Variants in DOCK2 observed in about 807,000 individuals in gnomAD.
The protein encoded by DOCK2 is dedicator of cytokinesis protein 2.
In DOCK2, 87 loss-of-function variants were observed where a neutral mutation model predicts 248.9. The ratio of observed to expected loss-of-function variants is 0.35; its 90% CI spans 0.29 to 0.42. The LOEUF is 0.42. DOCK2 is among the 10% of genes least tolerant of loss of function. The pLI is 1.00. For synonymous variants in DOCK2, 805 were observed against 821.6 expected, an observed-to-expected ratio of 0.98 and a Z score of 0.35; for missense variants, 1,747 against 2,300.2, an observed-to-expected ratio of 0.76 and a Z score of 4.92.
In DOCK2 at chr5:169,740,619, G is replaced by C. The variant is rs1255797582; in HGVS notation, c.2268-6777G>C. Among the ~76,000 whole-genome samples the C allele has an allele frequency of 2.6e-5, 4 of 152,320 alleles. No individual in the cohort carries two copies. In the East Asian group the frequency reaches 5.8e-4, roughly 22 times the overall value. ...TCTGCACCCCGCCTGTTGGCTGCTG[G>C]GGGTATTCAATGAAGTAAAGCCTGC... On this transcript the variant is annotated intron_variant, in intron 22 of 51. Coordinates refer to ENST00000520908, the MANE Select transcript of DOCK2 (RefSeq NM_004946.3).
chr5:170,082,657 A>T, intron 51 of DOCK2, 139 bp from the exon 52 acceptor site: 1 of 1,100,318 alleles, frequency 9.1e-7, no homozygotes, highest in East Asian at 2.6e-5. Context: ...GCCAAAGCCA[A>T]GGGCATAGCA....
intron 27 of DOCK2, among the ~76,000 whole-genome samples, chr5:169,979,556 T>C (rs1332034954): frequency 6.6e-6 from 1 of 152,208 alleles, no homozygotes; most frequent in East Asian, 1.9e-4. Context: ...CCATTTCAGG[T>C]TATCAATCAT....
At chr5:169,848,234 T>C (rs939186846) in intron 27 of DOCK2, among the ~76,000 whole-genome samples, 1 of 152,206 alleles carries the variant, frequency 6.6e-6, no homozygotes, top group African/African-American at 2.4e-5. Context: ...CACACACAGG[T>C]AGGCAATATT....
At chr5:169,827,173 A>G (rs1239676275) in intron 26 of DOCK2, among the ~76,000 whole-genome samples, 1 of 152,186 alleles carries the variant, frequency 6.6e-6, no homozygotes, top group East Asian at 1.9e-4. Flanking sequence ...TGTTTTAAAA[A>G]TGCAGCTATG....
At chr5:170,068,870 A>G (rs1357183671) in intron 45 of DOCK2, among the ~76,000 whole-genome samples, 1 of 152,156 alleles carries the variant, frequency 6.6e-6, no homozygotes, top group African/African-American at 2.4e-5. Context: ...AACAAGTTCC[A>G]AAGTACTGTT....
chr5:169,719,394 G>A (rs937672315), intron 22 of DOCK2, among the ~76,000 whole-genome samples: 2 of 152,236 alleles, frequency 1.3e-5, no homozygotes, highest in South Asian at 2.1e-4. Context: ...GGCAAAGTTA[G>A]GTAGAGGATT....
chr5:169,953,911 G>A (rs1776765254), intron 27 of DOCK2, among the ~76,000 whole-genome samples: 1 of 152,248 alleles, frequency 6.6e-6, no homozygotes, highest in Admixed American at 6.5e-5. Context: ...AATGGTAATT[G>A]TAACTACCTC....
At chr5:170,018,720 G>A (rs1240595422) in intron 32 of DOCK2, among the ~76,000 whole-genome samples, 1 of 152,158 alleles carries the variant, frequency 6.6e-6, no homozygotes, top group Non-Finnish European at 1.5e-5. Flanking sequence ...CTTTCTACAC[G>A]CACGCCCGTG....
intron 27 of DOCK2, among the ~76,000 whole-genome samples, chr5:169,941,184 G>A (rs1366760817): frequency 1.3e-5 from 2 of 152,088 alleles, no homozygotes; most frequent in African/African-American, 2.4e-5. Context: ...CTCCAGAAAG[G>A]TGCTTTTTAA....
chr5:169,800,051 TG>T (rs1157750182), intron 25 of DOCK2, among the ~76,000 whole-genome samples: 1 of 152,130 alleles, frequency 6.6e-6, no homozygotes, highest in Admixed American at 6.6e-5. Flanking sequence ...GTTATCCTAC[TG>T]CCTCCACCTC....
At chr5:170,029,659 G>A (rs1190679063) in intron 34 of DOCK2, among the ~76,000 whole-genome samples, 2 of 152,132 alleles carry the variant, frequency 1.3e-5, no homozygotes, top group East Asian at 1.9e-4. Flanking sequence ...CTCCCGCGAG[G>A]CCTTCTCCTA....
At chr5:169,921,944 A>C (rs1775198290) in intron 27 of DOCK2, among the ~76,000 whole-genome samples, 1 of 152,244 alleles carries the variant, frequency 6.6e-6, no homozygotes, top group Non-Finnish European at 1.5e-5. Flanking sequence ...AAAATGCTCC[A>C]GAGAGGTTGG....
At chr5:169,754,991 T>C (rs1764117808) in intron 23 of DOCK2, among the ~76,000 whole-genome samples, 1 of 149,380 alleles carries the variant, frequency 6.7e-6, no homozygotes, top group Non-Finnish European at 1.5e-5. Flanking sequence ...CTGGCTGGAG[T>C]GCAGTGGCAA....
chr5:169,920,477 A>G (rs1775114115), intron 27 of DOCK2, among the ~76,000 whole-genome samples: 1 of 152,066 alleles, frequency 6.6e-6, no homozygotes, highest in Non-Finnish European at 1.5e-5. Flanking sequence ...TTTTTGGCTC[A>G]ACAGTTTGTT....
intron 46 of DOCK2, chr5:170,075,677 A>G: frequency 2.7e-6 from 1 of 373,428 alleles, no homozygotes; most frequent in African/African-American, 2.1e-5. Context: ...TTTCCCAACC[A>G]TGTGGCCTTT....
chr5:169,768,841 A>G (rs1452133462), intron 25 of DOCK2, among the ~76,000 whole-genome samples: 1 of 152,144 alleles, frequency 6.6e-6, no homozygotes, highest in Non-Finnish European at 1.5e-5. Context: ...TTCATTGCAT[A>G]TAGTGCCTGG....
chr5:170,041,316 CAT>C (rs1312946422), intron 37 of DOCK2, among the ~76,000 whole-genome samples, 171 bp downstream of exon 37: 2 of 152,218 alleles, frequency 1.3e-5, no homozygotes, highest in African/African-American at 4.8e-5. Flanking sequence ...TCCCTGGTCA[CAT>C]GTGGTTTTGA....
intron 27 of DOCK2, among the ~76,000 whole-genome samples, chr5:169,897,674 T>G (rs775422220): frequency 1.3e-5 from 2 of 152,166 alleles, no homozygotes; most frequent in Non-Finnish European, 2.9e-5. Flanking sequence ...AGAAGTTCCC[T>G]CAAACTCAAG....
intron 46 of DOCK2, among the ~76,000 whole-genome samples, chr5:170,074,221 A>T (rs1469630291): frequency 6.6e-6 from 1 of 152,162 alleles, no homozygotes; most frequent in Non-Finnish European, 1.5e-5. Flanking sequence ...TTAGAAAAAC[A>T]TGTTTTCTTA....
Sources: gnomAD v4.1 joint callset for allele counts (sites outside exome capture counted in the v4.1 genomes callset) on GRCh38, gnomAD v4.1.1 for gene constraint, MANE v1.5 for transcripts, NCBI Gene and HGNC (gene_info 2026-07-23, HGNC 2026-07-21) for gene names.